FAF1: variants seen among roughly 807,000 people sequenced by gnomAD.
The protein encoded by FAF1 is FAS-associated factor 1.
Under a neutral mutation model 92.5 loss-of-function variants are expected in FAF1, and 25 were observed. The ratio of observed to expected loss-of-function variants is 0.27; its 90% CI spans 0.20 to 0.38. The LOEUF is 0.38. Ranked by LOEUF, FAF1 falls within the 10% of genes least tolerant of loss-of-function variation. The pLI is 1.00. For missense variants in FAF1, 636 were observed against 793.3 expected (o/e 0.80, Z 2.38); for synonymous variants, 234 against 273.2 (o/e 0.86, Z 1.42).
chr1:50,567,343 C>T (rs1650219919), intron 12 of FAF1, 112 bp from the exon 13 acceptor site: 4 of 702,194 alleles, frequency 5.7e-6, no homozygotes, highest in Admixed American at 3.1e-5. Flanking sequence ...AAATTAAATG[C>T]TATTCCCTAA....
In FAF1 at chr1:50,729,024, ATC is replaced by A. The variant is rs1557497055; in HGVS notation, c.551+9837_551+9838del. 5.5e-3 allele frequency among the ~76,000 whole-genome samples: 426 copies of A among 77,260 alleles called. 1 individual carries two copies. The highest frequency in any genetic ancestry group is 0.021 in the African/African-American group (355 of 16,582). 50.7% of individuals were successfully genotyped at this position (77,260 alleles called of 152,430 possible). A position where few individuals can be genotyped will look rare whatever the true frequency, so the allele number is the denominator to read the frequency against. On this transcript the variant is annotated intron_variant, in intron 6 of 18. Transcript: ENST00000396153. ...ACTTTATCTATCTATCTATCTATCT[ATC>A]TATCTATCTATATATATATATATAT...
chr1:50,472,364 A>AACACACACAC (rs1169240003), intron 18 of FAF1, among the ~76,000 whole-genome samples: 5 of 90,096 alleles, frequency 5.5e-5, no homozygotes, highest in African/African-American at 8.3e-5. Context: ...AATTGGGGAA[A>AACACACACAC]ACATACACAC....
chr1:50,953,606 G>C (rs998684463), intron 1 of FAF1, among the ~76,000 whole-genome samples: 9 of 151,790 alleles, frequency 5.9e-5, no homozygotes, highest in Non-Finnish European at 1.0e-4. Flanking sequence ...GGCGTAGTTG[G>C]TTCTCGCCTG....
intron 1 of FAF1, among the ~76,000 whole-genome samples, chr1:50,860,511 C>A (rs540132108): frequency 2.2e-4 from 34 of 151,778 alleles, no homozygotes; most frequent in Non-Finnish European, 4.1e-4. Flanking sequence ...TTCCACATCA[C>A]CAATCACAGA....
At chr1:50,869,073 C>CA (rs1644506123) in intron 1 of FAF1, among the ~76,000 whole-genome samples, 1 of 152,062 alleles carries the variant, frequency 6.6e-6, no homozygotes, top group African/African-American at 2.4e-5. Flanking sequence ...AATGAGTGTA[C>CA]ACAAATTTGA....
intron 13 of FAF1, among the ~76,000 whole-genome samples, chr1:50,554,390 T>TATATAGAGAGAGAGAGAGAG: frequency 1.3e-4 from 12 of 93,680 alleles, no homozygotes; most frequent in African/African-American, 4.7e-4. Context: ...TATATATATA[T>TATATAGAGAGAGAGAGAGAG]AGAGAGAGAG....
chr1:50,454,681 C>T (rs1223249396), intron 18 of FAF1, among the ~76,000 whole-genome samples: 1 of 152,252 alleles, frequency 6.6e-6, no homozygotes, highest in Non-Finnish European at 1.5e-5. Flanking sequence ...AATGCAGGTA[C>T]TGGCAATGCC....
chr1:50,796,663 T>C (rs1411310251), intron 3 of FAF1, among the ~76,000 whole-genome samples: 1 of 152,088 alleles, frequency 6.6e-6, no homozygotes, highest in African/African-American at 2.4e-5. Context: ...AGTCTGCTCT[T>C]TCCCTGGGCT....
intron 2 of FAF1, among the ~76,000 whole-genome samples, chr1:50,816,559 C>A (rs917421542): frequency 1.3e-5 from 2 of 152,050 alleles, no homozygotes; most frequent in African/African-American, 4.8e-5. Flanking sequence ...ATTTTTAAGT[C>A]CTTTGTAAAT....
rs865899727 is a variant in FAF1 at position 50,662,290 on chromosome 1, G to T, written c.658-6762C>A. Among the ~76,000 whole-genome samples the T allele has an allele frequency of 4.3e-4, 66 of 152,238 alleles. 1 individual carries two copies. Among genetic ancestry groups the T allele is most frequent in the South Asian group, 1.5e-3 (7 of 4,826 alleles). ...TCAGGCTTTGAACTGACTGGATTCT[G>T]CAGTTTTAAAAAATCTTTTGCCTCT... On this transcript the variant is annotated intron_variant, in intron 7 of 18. Coordinates refer to ENST00000396153, the MANE Select transcript of FAF1 (RefSeq NM_007051.3).
intron 15 of FAF1, among the ~76,000 whole-genome samples, chr1:50,526,636 A>G (rs1490563258): frequency 6.6e-6 from 1 of 151,736 alleles, no homozygotes; most frequent in African/African-American, 2.4e-5. Context: ...TAATGCTACT[A>G]TAAACAGTCA....
Position 50,778,026 on chromosome 1 carries a change from C to T in FAF1, c.367+9974G>A, listed in dbSNP as rs113371078. Reference sequence around the variant, plus strand: ...AAGAATGTTCACAGCAGCTTGGTAACGCTAGAAAGAACCCAAATATCTATC... The same window carrying T: ...AAGAATGTTCACAGCAGCTTGGTAATGCTAGAAAGAACCCAAATATCTATC... On this transcript the variant is annotated intron_variant, in intron 4 of 18. Transcript: ENST00000396153. Among the ~76,000 whole-genome samples, 191 of 152,194 alleles carry T rather than the reference C, an allele frequency of 1.3e-3. 1 individual carries two copies. Among genetic ancestry groups the T allele is most frequent in the Non-Finnish European group, 2.2e-3 (149 of 68,018 alleles).
At chr1:50,607,540 A>C (rs918962147) in intron 8 of FAF1, among the ~76,000 whole-genome samples, 8 of 151,672 alleles carry the variant, frequency 5.3e-5, no homozygotes, top group Admixed American at 4.6e-4. Context: ...GCATGTGCCT[A>C]CTCTTAGGCT....
At chr1:50,939,412 T>C (rs1645112163) in intron 1 of FAF1, among the ~76,000 whole-genome samples, 1 of 152,346 alleles carries the variant, frequency 6.6e-6, no homozygotes, top group Non-Finnish European at 1.5e-5. Flanking sequence ...TGTACACTGA[T>C]TTTATATCCT....
At chr1:50,932,294 C>T (rs535837064) in intron 1 of FAF1, among the ~76,000 whole-genome samples, 1 of 152,262 alleles carries the variant, frequency 6.6e-6, no homozygotes, top group East Asian at 1.9e-4. Flanking sequence ...AAGTCCCTTC[C>T]ACCTATGAGC....
chr1:50,606,890 T>C (rs1250171582), intron 8 of FAF1: 4 of 152,164 alleles, frequency 2.6e-5, no homozygotes, highest in African/African-American at 9.7e-5. Flanking sequence ...TACATAGCCA[T>C]GTCCAAAAGT....
intron 15 of FAF1, among the ~76,000 whole-genome samples, chr1:50,526,858 CT>C (rs576252370): frequency 3.6e-3 from 517 of 142,410 alleles, no homozygotes; most frequent in Middle Eastern, 0.011. Flanking sequence ...TACCTGACGA[CT>C]TTTTTTTTTT....
chr1:50,709,137 C>A (rs541829705), intron 6 of FAF1, among the ~76,000 whole-genome samples: 1 of 152,250 alleles, frequency 6.6e-6, no homozygotes, highest in East Asian at 1.9e-4. Flanking sequence ...TGTCTGACAT[C>A]CCCTCATGTC....
At chr1:50,754,235 C>T (rs1311894141) in intron 4 of FAF1, among the ~76,000 whole-genome samples, 1 of 152,064 alleles carries the variant, frequency 6.6e-6, no homozygotes, top group Non-Finnish European at 1.5e-5. Context: ...TATAAATATT[C>T]CTGAGCTTAA....
Sources: allele counts gnomAD v4.1 joint callset (sites outside exome capture counted in the v4.1 genomes callset), GRCh38; gene constraint gnomAD v4.1.1; transcripts MANE v1.5; gene names NCBI Gene and HGNC (gene_info 2026-07-23, HGNC 2026-07-21).